Variants in RASGRP3 observed in about 807,000 individuals in gnomAD.
RASGRP3 encodes the protein ras guanyl-releasing protein 3.
A neutral mutation model predicts 82.7 loss-of-function variants in RASGRP3; 54 were observed. The observed-to-expected ratio is 0.65, with a 90% CI of 0.52 to 0.82. RASGRP3 has a LOEUF of 0.82. Ranked by LOEUF, RASGRP3 falls within the 40% of genes least tolerant of loss-of-function variation. The pLI, the probability that RASGRP3 is intolerant of heterozygous loss-of-function variation, is 0.00. For synonymous variants in RASGRP3, 309 were observed against 300.5 expected, an observed-to-expected ratio of 1.03 and a Z score of -0.29; for missense variants, 861 against 828.9, an observed-to-expected ratio of 1.04 and a Z score of -0.48.
chr2:33,507,266 G>A (rs1288311159), intron 1 of RASGRP3, among the ~76,000 whole-genome samples: 17 of 152,064 alleles, frequency 1.1e-4, no homozygotes, highest in South Asian at 2.1e-4. Context: ...ATGATGGTGC[G>A]TGCCTGTAAT....
intron 1 of RASGRP3, among the ~76,000 whole-genome samples, chr2:33,491,699 T>C (rs1300151753): frequency 6.6e-6 from 1 of 152,250 alleles, no homozygotes; most frequent in African/African-American, 2.4e-5. Flanking sequence ...GTCCTCATTG[T>C]TATAAGTTTT....
intron 2 of RASGRP3, among the ~76,000 whole-genome samples, chr2:33,455,229 T>C (rs1665978768): frequency 6.6e-6 from 1 of 152,264 alleles, no homozygotes; most frequent in Non-Finnish European, 1.5e-5. Context: ...AAGATTTTTC[T>C]ATATTATTTC....
upstream of RASGRP3, among the ~76,000 whole-genome samples, chr2:33,472,810 C>T (rs140378452): frequency 2.0e-4 from 29 of 142,986 alleles, no homozygotes; most frequent in African/African-American, 6.3e-4. Context: ...TGAAAATTGC[C>T]GGGCGCGGTG....
chr2:33,455,727 T>G (rs577858014), intron 2 of RASGRP3, among the ~76,000 whole-genome samples: 1 of 152,350 alleles, frequency 6.6e-6, no homozygotes, highest in South Asian at 2.1e-4. Context: ...TAACCAAGTT[T>G]TGCAGACTCT....
chr2:33,547,613 A>T (rs574950353), intron 13 of RASGRP3, among the ~76,000 whole-genome samples: 1 of 152,178 alleles, frequency 6.6e-6, no homozygotes, highest in East Asian at 1.9e-4. Flanking sequence ...GTTGTCAAAG[A>T]TGCAGTGCAA....
At chr2:33,483,745 T>C (rs539170283) in intron 1 of RASGRP3, among the ~76,000 whole-genome samples, 10 of 152,290 alleles carry the variant, frequency 6.6e-5, no homozygotes, top group African/African-American at 2.2e-4. Flanking sequence ...TGCCTCGGCC[T>C]CCCAAAGTGC....
At chr2:33,525,844 T>C (rs1672506553) in intron 9 of RASGRP3, among the ~76,000 whole-genome samples, 1 of 151,646 alleles carries the variant, frequency 6.6e-6, no homozygotes, top group Admixed American at 6.6e-5. Flanking sequence ...ACCACTGCAC[T>C]CCAGCCTGGG....
In RASGRP3 at chr2:33,563,060, C is replaced by T. The variant is rs1676863599; in HGVS notation, c.*323C>T. Reference sequence around the variant, plus strand: ...TGAAATGAAAGCTTTTTTGCATGTACTTGATACTCAGTCTGTAAACTCAGA... The same window carrying T: ...TGAAATGAAAGCTTTTTTGCATGTATTTGATACTCAGTCTGTAAACTCAGA... On this transcript the variant is annotated 3_prime_UTR_variant, in exon 18 of 18. Transcript: ENST00000403687. 3.0e-6 allele frequency: 1 copy of T among 333,778 alleles called. No homozygotes were observed. Among genetic ancestry groups the T allele is most frequent in the African/African-American group, 2.1e-5 (1 of 46,756 alleles). 20.7% of individuals were successfully genotyped at this position (333,778 alleles called of 1,614,324 possible). A position where few individuals can be genotyped will look rare whatever the true frequency, so the allele number is the denominator to read the frequency against.
intron 2 of RASGRP3, among the ~76,000 whole-genome samples, chr2:33,460,907 A>G (rs1301442399): frequency 6.6e-6 from 1 of 152,350 alleles, no homozygotes; most frequent in East Asian, 1.9e-4. Context: ...TAATGTGAGT[A>G]TTCTGGCCAT....
upstream of RASGRP3, among the ~76,000 whole-genome samples, chr2:33,474,721 C>G (rs7580647): frequency 6.6e-6 from 1 of 152,068 alleles, no homozygotes; most frequent in Non-Finnish European, 1.5e-5. Flanking sequence ...GTAAGTTTCA[C>G]GAGGCCTCCC....
At chr2:33,477,690 C>A (rs1667501313) in intron 1 of RASGRP3, among the ~76,000 whole-genome samples, 1 of 152,244 alleles carries the variant, frequency 6.6e-6, no homozygotes, top group East Asian at 1.9e-4. Flanking sequence ...TTGGTAGTCA[C>A]CAGACAGAAT....
At position 33,527,423 on chromosome 2, in the gene RASGRP3, A is replaced by G; in HGVS notation, c.1083+11A>G. On this transcript the variant is annotated intron_variant, in intron 10 of 17. Coordinates refer to ENST00000403687, the MANE Select transcript of RASGRP3 (RefSeq NM_001139488.2). Reference sequence around the variant, plus strand: ...ATCAACCTGCTCACGGTGAGTTCCAAGGAGCCAAGTTTGGGCTCAATAATT... The same window carrying G: ...ATCAACCTGCTCACGGTGAGTTCCAGGGAGCCAAGTTTGGGCTCAATAATT... 2 of 1,604,038 alleles carry G rather than the reference A, an allele frequency of 1.2e-6. No individual in the cohort carries two copies. Among genetic ancestry groups the G allele is most frequent in the Non-Finnish European group, 1.7e-6 (2 of 1,172,192 alleles).
rs992148989 is a variant in RASGRP3 at position 33,554,763 on chromosome 2, G to A, written c.1543-768G>A. Among the ~76,000 whole-genome samples, 19 of 152,184 alleles carry A rather than the reference G, an allele frequency of 1.2e-4. No individual in the cohort carries two copies. The East Asian group carries it at 1.7e-3, about 14-fold the overall frequency. On this transcript the variant is annotated intron_variant, in intron 14 of 17. Coordinates refer to ENST00000403687, the MANE Select transcript of RASGRP3 (RefSeq NM_001139488.2). ...GCTGGGATTACAGGTGTGAGCCACCGCGCCTGGCCAGGCCCTCTTCTTTAT... is the reference window on the plus strand; with the variant it reads ...GCTGGGATTACAGGTGTGAGCCACCACGCCTGGCCAGGCCCTCTTCTTTAT...
At chr2:33,455,773 T>G (rs893489189) in intron 2 of RASGRP3, among the ~76,000 whole-genome samples, 1 of 152,186 alleles carries the variant, frequency 6.6e-6, no homozygotes, top group African/African-American at 2.4e-5. Context: ...TCTGGCCTGG[T>G]TTAGTTCAAA....
At chr2:33,482,697 A>G (rs1256480884) in intron 1 of RASGRP3, 3 of 152,218 alleles carry the variant, frequency 2.0e-5, no homozygotes, top group African/African-American at 7.2e-5. Context: ...CAATATGGCA[A>G]TTCAGTTCAT....
At chr2:33,490,361 C>T (rs956453703) in intron 1 of RASGRP3, among the ~76,000 whole-genome samples, 3 of 152,202 alleles carry the variant, frequency 2.0e-5, no homozygotes, top group African/African-American at 4.8e-5. Context: ...TTTACTCTTG[C>T]ACTCACACCA....
intron 10 of RASGRP3, 32 bp from the exon 11 acceptor site, chr2:33,534,291 C>A: frequency 1.4e-6 from 2 of 1,410,930 alleles, no homozygotes; most frequent in East Asian, 2.3e-5. Context: ...AAATGTAATC[C>A]GACATTTTTA....
At chr2:33,448,912 A>G (rs943555052) in intron 2 of RASGRP3, among the ~76,000 whole-genome samples, 1 of 152,248 alleles carries the variant, frequency 6.6e-6, no homozygotes, top group Admixed American at 6.5e-5. Flanking sequence ...CAATAAACCT[A>G]TTTTAAAGAA....
intron 14 of RASGRP3, among the ~76,000 whole-genome samples, chr2:33,551,640 C>T (rs1675368011): frequency 6.6e-6 from 1 of 151,860 alleles, no homozygotes; most frequent in Non-Finnish European, 1.5e-5. Flanking sequence ...AGTTCAACTC[C>T]AGCCTGGGCA....
Sources: allele counts gnomAD v4.1 joint callset (sites outside exome capture counted in the v4.1 genomes callset), GRCh38; gene constraint gnomAD v4.1.1; transcripts MANE v1.5; gene names NCBI Gene and HGNC (gene_info 2026-07-23, HGNC 2026-07-21).